The following GALK2 variants were observed in gnomAD, a reference collection of about 807,000 sequenced individuals.
GALK2 encodes galactokinase 2.
In GALK2, 36 loss-of-function variants were observed where a neutral mutation model predicts 52.4. The observed-to-expected ratio is 0.69, with a 90% CI of 0.53 to 0.91. The LOEUF (loss-of-function observed/expected upper bound fraction) is 0.91, where lower values mean the gene tolerates loss of function less well. GALK2 is among the 40% of genes least tolerant of loss of function. The probability of loss-of-function intolerance (pLI) is 0.00; values close to 1 mark genes in which losing one functional copy is unlikely to be tolerated. For missense variants in GALK2, 579 were observed against 559.1 expected (o/e 1.04, Z -0.36); for synonymous variants, 176 against 199.1 (o/e 0.88, Z 0.98).
chr15:49,217,436 T>C (rs140589992), intron 3 of GALK2, 123 bp downstream of exon 3: 2 of 985,360 alleles, frequency 2.0e-6, no homozygotes, highest in African/African-American at 3.2e-5. Flanking sequence ...TGTCTGACAT[T>C]AAAAAAATTC....
intron 1 of GALK2, among the ~76,000 whole-genome samples, chr15:49,160,767 C>T (rs1419895436): frequency 1.3e-5 from 2 of 152,012 alleles, no homozygotes; most frequent in African/African-American, 4.8e-5. Context: ...CTACCTGATG[C>T]TGAGGCAGGA....
rs929505888 is a variant in GALK2, at chr15:49,217,330, G to A, written c.266+17G>A. On this transcript the variant is annotated intron_variant, in intron 3 of 9. Transcript: ENST00000560031. ...CTTGTATCCGTGAGTATTTAAAATT[G>A]TTAGTGTGTGTGTATGTATGGTTCT... 5 of 1,613,158 alleles carry A rather than the reference G, an allele frequency of 3.1e-6. No individual in the cohort carries two copies. In the African/African-American group the frequency reaches 4.0e-5, roughly 13 times the overall value.
Position 49,264,350 on chromosome 15 carries a change from A to C in GALK2, c.505-17637A>C, listed in dbSNP as rs2092270034. Among the ~76,000 whole-genome samples, 3 of 152,122 alleles carry C rather than the reference A, an allele frequency of 2.0e-5. No individual in the cohort carries two copies. In the South Asian group the frequency reaches 6.2e-4, roughly 32 times the overall value. On this transcript the variant is annotated intron_variant, in intron 5 of 9. Coordinates refer to ENST00000560031, the MANE Select transcript of GALK2 (RefSeq NM_002044.4). ...TTCCATCACTGATACCCTTTCTTCC[A>C]GTTGATCGCATCGGCTCCTGAGGCT...
intron 1 of GALK2, among the ~76,000 whole-genome samples, chr15:49,182,628 T>C (rs760643588): frequency 6.6e-6 from 1 of 152,246 alleles, no homozygotes; most frequent in Non-Finnish European, 1.5e-5. Context: ...GGGTTCTCTT[T>C]TCTCCACATC....
rs111343901 is a variant in GALK2 at position 49,365,843 on chromosome 15, G to A, written c.427-1648G>A. 100 of 886,844 alleles carry A rather than the reference G, an allele frequency of 1.1e-4. 1 individual carries two copies. The highest frequency in any genetic ancestry group is 9.8e-4 in the African/African-American group (60 of 61,222). The allele number at this position is 886,844 out of a possible 1,614,324, so 54.9% of individuals were successfully genotyped here. A position where few individuals can be genotyped will look rare whatever the true frequency, so the allele number is the denominator to read the frequency against. The stretch of plus-strand genomic sequence containing the variant: ...AGTCTCACTTCCATGCTTTTGCCGC[G>A]ACACTCAATTGTGCATTGTCCATAT... On this transcript the variant is annotated intron_variant, in intron 3 of 3. Transcript: ENST00000558399.
At chr15:49,185,663 GAC>G (rs2086287386) in intron 1 of GALK2, 1 of 152,152 alleles carries the variant, frequency 6.6e-6, no homozygotes, top group Non-Finnish European at 1.5e-5. Flanking sequence ...CAGCCATTCT[GAC>G]TAGTGTAAGG....
chr15:49,222,454 T>G (rs2089862213), intron 3 of GALK2, among the ~76,000 whole-genome samples: 1 of 152,334 alleles, frequency 6.6e-6, no homozygotes, highest in African/African-American at 2.4e-5. Flanking sequence ...GTGATATTGG[T>G]CATCTTTTTT....
At position 49,329,165 on chromosome 15, in the gene GALK2, T is replaced by A; in HGVS notation, c.*1006T>A. 2 of 987,618 alleles carry A rather than the reference T, an allele frequency of 2.0e-6. No individual in the cohort carries two copies. Among genetic ancestry groups the A allele is most frequent in the Non-Finnish European group, 2.4e-6 (2 of 831,378 alleles). 61.2% of individuals were successfully genotyped at this position (987,618 alleles called of 1,614,324 possible). Reference sequence around the variant, plus strand: ...CCATTGTAAAGCAGGTATGCAGGTATGTGGGTGAAAGTGACTATGAAAAGA... The same window carrying A: ...CCATTGTAAAGCAGGTATGCAGGTAAGTGGGTGAAAGTGACTATGAAAAGA... On this transcript the variant is annotated 3_prime_UTR_variant, in exon 10 of 10. Transcript: ENST00000560031.
At position 49,280,547 on chromosome 15, in the gene GALK2, A is replaced by G. The variant is rs138379631; in HGVS notation, c.505-1440A>G. Among the ~76,000 whole-genome samples the G allele has an allele frequency of 6.6e-3, 1,009 of 152,294 alleles. 8 individuals carry two copies. The highest frequency in any genetic ancestry group is 9.9e-3 in the Non-Finnish European group (670 of 68,014). ...AAGTGCACTAGGGTTAAGTCATTAA[A>G]GACCTTGTGTACCATGCTGTAGAGT... On this transcript the variant is annotated intron_variant, in intron 5 of 9. Transcript: ENST00000560031.
intron 8 of GALK2, among the ~76,000 whole-genome samples, chr15:49,308,861 G>C (rs570722040): frequency 1.3e-5 from 2 of 152,362 alleles, no homozygotes; most frequent in East Asian, 3.9e-4. Context: ...GTATTTCACT[G>C]CTGCAGTGGG....
At chr15:49,290,979 C>T (rs919994024) in intron 7 of GALK2, among the ~76,000 whole-genome samples, 2 of 151,724 alleles carry the variant, frequency 1.3e-5, no homozygotes, top group African/African-American at 4.8e-5. Flanking sequence ...TTTTTGAGAC[C>T]GAGTCTCACT....
Position 49,215,054 on chromosome 15 carries a change from CTT to C in GALK2, c.143-2135_143-2134del, listed in dbSNP as rs544424910. ...CTTTGAATATGTCATCCCCCTCTCTCTTGGCCTCTAAGTTTCCTGCGGAGTTG... is the reference window on the plus strand; with the variant it reads ...CTTTGAATATGTCATCCCCCTCTCTCGGCCTCTAAGTTTCCTGCGGAGTTG... On this transcript the variant is annotated intron_variant, in intron 2 of 9. Coordinates refer to ENST00000560031, the MANE Select transcript of GALK2 (RefSeq NM_002044.4). Among the ~76,000 whole-genome samples the C allele has an allele frequency of 2.3e-4, 35 of 152,300 alleles. No homozygotes were observed. In the South Asian group the frequency reaches 6.2e-3, roughly 27 times the overall value.
Position 49,159,570 on chromosome 15 carries a change from T to C in GALK2, c.20+3554T>C, listed in dbSNP as rs542970961. Among the ~76,000 whole-genome samples the C allele has an allele frequency of 4.2e-4, 60 of 141,652 alleles. 2 individuals carry two copies. In the South Asian group the frequency reaches 0.013, roughly 31 times the overall value. 92.9% of individuals were successfully genotyped at this position (141,652 alleles called of 152,430 possible). A position where few individuals can be genotyped will look rare whatever the true frequency, so the allele number is the denominator to read the frequency against. On this transcript the variant is annotated intron_variant, in intron 1 of 9. Transcript: ENST00000327171. ...CAGCCTGGGCGACAGAACAAGACTC[T>C]GTCTCAAAAAAAAAAAAAAAAATAA...
intron 3 of GALK2, chr15:49,367,433 C>T (rs1457001020): frequency 1.3e-6 from 2 of 1,537,248 alleles, no homozygotes; most frequent in Non-Finnish European, 1.7e-6. Flanking sequence ...TAAAGCAAAG[C>T]TTTAAAAAGG....
At chr15:49,290,170 A>G (rs1026316733) in intron 7 of GALK2, among the ~76,000 whole-genome samples, 4 of 152,212 alleles carry the variant, frequency 2.6e-5, no homozygotes, top group South Asian at 2.1e-4. Context: ...TCTTTGAACA[A>G]TGGTGATCTT....
intron 1 of GALK2, 74 bp downstream of exon 1, chr15:49,170,449 C>T (rs2084994263): frequency 6.9e-7 from 1 of 1,453,640 alleles, no homozygotes; most frequent in East Asian, 2.5e-5. Context: ...CAGCACTTGG[C>T]TCCTCCCTTG....
chr15:49,227,653 G>A (rs2090208313), intron 3 of GALK2, among the ~76,000 whole-genome samples: 1 of 151,818 alleles, frequency 6.6e-6, no homozygotes. Flanking sequence ...ATTGATATGG[G>A]AGGGCTTATT....
At chr15:49,162,828 T>C (rs1228945357) in intron 1 of GALK2, among the ~76,000 whole-genome samples, 3 of 152,216 alleles carry the variant, frequency 2.0e-5, no homozygotes, top group African/African-American at 7.2e-5. Flanking sequence ...TGAATGCTGC[T>C]AACAGCCATG....
At chr15:49,338,794 G>T (rs2040217252) in intron 3 of GALK2, among the ~76,000 whole-genome samples, 1 of 152,030 alleles carries the variant, frequency 6.6e-6, no homozygotes, top group African/African-American at 2.4e-5. Flanking sequence ...TTTTCACATA[G>T]TCCCATATTT....
Sources: gnomAD v4.1 joint callset for allele counts (sites outside exome capture counted in the v4.1 genomes callset) on GRCh38, gnomAD v4.1.1 for gene constraint, MANE v1.5 for transcripts, NCBI Gene and HGNC (gene_info 2026-07-23, HGNC 2026-07-21) for gene names.